The following E2F3 variants were observed in gnomAD, a reference collection of about 807,000 sequenced individuals.
E2F3 encodes transcription factor E2F3.
A neutral mutation model predicts 44.4 loss-of-function variants in E2F3; 11 were observed. The observed-to-expected ratio is 0.25, with a 90% confidence interval of 0.16 to 0.41. The LOEUF (loss-of-function observed/expected upper bound fraction) is 0.41, where lower values mean the gene tolerates loss of function less well. Among genes scored for constraint, E2F3 ranks in the 10% least tolerant of loss-of-function variants. The pLI is 1.00. For missense variants in E2F3, 487 were observed against 583.6 expected (o/e 0.83, Z 1.70); for synonymous variants, 249 against 253.0 (o/e 0.98, Z 0.15).
At chr6:20,417,582 T>G (rs747082765) in intron 1 of E2F3, among the ~76,000 whole-genome samples, 1 of 144,054 alleles carries the variant, frequency 6.9e-6, no homozygotes, top group Non-Finnish European at 1.5e-5. Context: ...TTCCTGATAA[T>G]GGATTTAAAA....
chr6:20,424,662 C>T (rs1020823100), intron 1 of E2F3, among the ~76,000 whole-genome samples: 3 of 151,630 alleles, frequency 2.0e-5, no homozygotes, highest in African/African-American at 7.3e-5. Flanking sequence ...TGAGCTTCTT[C>T]TCCCCCATCC....
intron 2 of E2F3, among the ~76,000 whole-genome samples, chr6:20,480,743 A>G (rs998463384): frequency 6.6e-6 from 1 of 152,184 alleles, no homozygotes; most frequent in Non-Finnish European, 1.5e-5. Flanking sequence ...GCACACACAG[A>G]TACCAGAGCC....
chr6:20,471,337 C>G (rs953768847), intron 1 of E2F3, among the ~76,000 whole-genome samples: 1 of 152,174 alleles, frequency 6.6e-6, no homozygotes, highest in African/African-American at 2.4e-5. Context: ...AATGCCAGCA[C>G]TTTGGGAGGC....
In E2F3 at chr6:20,490,212, A is replaced by T. The variant is rs115470365; in HGVS notation, c.1180A>T (p.Met394Leu). The change falls in exon 7 of 7, where the codon ATG becomes TTG. Residue 394 changes from methionine (M) to leucine (L), a missense_variant. Around this residue, in one of 3 missense-constraint regions of E2F3, gnomAD observed 220 missense variants for 261.7 expected, o/e 0.84. Transcript: ENST00000346618. The surrounding 1 kb of genome is among the most constrained non-coding windows in gnomAD (Gnocchi z 4.3). ...NSGHSDCSVS[M>L]GNLSPLASPA... ...AGGACATAGCGATTGCTCAGTTTCT[A>T]TGGGAAACCTTTCTCCTCTGGCCTC... 2.4e-4 allele frequency: 391 copies of T among 1,613,938 alleles called. 1 individual carries two copies. The African/African-American group carries it at 4.5e-3, about 19-fold the overall frequency.
intron 1 of E2F3, among the ~76,000 whole-genome samples, chr6:20,442,512 G>T (rs543648085): frequency 6.6e-6 from 1 of 152,130 alleles, no homozygotes; most frequent in Non-Finnish European, 1.5e-5. Context: ...TTATCCTTAC[G>T]TAGTTACAAG....
At chr6:20,487,495 T>G (rs573609785) in intron 5 of E2F3, among the ~76,000 whole-genome samples, 21 of 152,316 alleles carry the variant, frequency 1.4e-4, no homozygotes, top group African/African-American at 4.8e-4. Flanking sequence ...TTCCTAGCAC[T>G]TAAGAATACT....
At chr6:20,465,941 C>A (rs1054746944) in intron 1 of E2F3, among the ~76,000 whole-genome samples, 2 of 152,126 alleles carry the variant, frequency 1.3e-5, no homozygotes, top group African/African-American at 4.8e-5. Context: ...ATAATGACTT[C>A]TTTTCCTCTG....
chr6:20,486,192 C>T (rs757820329), intron 4 of E2F3, among the ~76,000 whole-genome samples: 4 of 152,156 alleles, frequency 2.6e-5, no homozygotes, highest in Non-Finnish European at 5.9e-5. Context: ...TAAAGCTATT[C>T]ATTTCTTTAG....
At chr6:20,409,860 C>T (rs756194021) in intron 1 of E2F3, among the ~76,000 whole-genome samples, 14 of 152,196 alleles carry the variant, frequency 9.2e-5, no homozygotes, top group Non-Finnish European at 1.9e-4. Flanking sequence ...TATCTGTAAT[C>T]CACAAACCAG....
At chr6:20,434,467 G>T (rs1400391998) in intron 1 of E2F3, among the ~76,000 whole-genome samples, 1 of 152,128 alleles carries the variant, frequency 6.6e-6, no homozygotes, top group Non-Finnish European at 1.5e-5. Context: ...GAATATCAAG[G>T]TGTCAGAAGA....
At chr6:20,489,143 A>G (rs1303028798) in intron 6 of E2F3, among the ~76,000 whole-genome samples, 1 of 152,218 alleles carries the variant, frequency 6.6e-6, no homozygotes, top group Non-Finnish European at 1.5e-5. Flanking sequence ...TATAGCAGCA[A>G]GAATAAGGGT....
intron 1 of E2F3, among the ~76,000 whole-genome samples, chr6:20,468,024 T>C (rs777528182): frequency 4.6e-5 from 7 of 152,212 alleles, no homozygotes; most frequent in Non-Finnish European, 8.8e-5. Flanking sequence ...ACACCAATTC[T>C]GAAAATGCTG....
intron 1 of E2F3, among the ~76,000 whole-genome samples, chr6:20,439,323 A>T (rs1760695108): frequency 6.6e-6 from 1 of 152,262 alleles, no homozygotes; most frequent in African/African-American, 2.4e-5. Context: ...GAGTTCCAGA[A>T]TGTAAAGCAA....
chr6:20,416,166 T>C (rs1759838764), intron 1 of E2F3, among the ~76,000 whole-genome samples: 1 of 152,224 alleles, frequency 6.6e-6, no homozygotes, highest in Admixed American at 6.5e-5. Flanking sequence ...GTCTTCCTCA[T>C]GTATATCATT....
At chr6:20,405,640 T>C (rs150495006) in intron 1 of E2F3, among the ~76,000 whole-genome samples, 1 of 152,200 alleles carries the variant, frequency 6.6e-6, no homozygotes, top group Non-Finnish European at 1.5e-5. Context: ...CTGGCCAACA[T>C]GGTGAAACCC....
At chr6:20,439,271 G>T (rs1260961279) in intron 1 of E2F3, among the ~76,000 whole-genome samples, 1 of 152,190 alleles carries the variant, frequency 6.6e-6, no homozygotes, top group African/African-American at 2.4e-5. Context: ...GAACAACTTT[G>T]TCAATGTGAA....
rs768568055 is a variant in E2F3 at position 20,493,400 on chromosome 6, C to T, written c.*2970C>T. ...AAGGAAGATGGCTTGCAGAGTAAGT[C>T]GGGTGGCAATTGTCAGGGTGTGGGA... On this transcript the variant is annotated 3_prime_UTR_variant, in exon 7 of 7. Coordinates refer to ENST00000346618, the MANE Select transcript of E2F3 (RefSeq NM_001949.5). The T allele has an allele frequency of 4.4e-5, 10 of 227,338 alleles. No individual in the cohort carries two copies. Among genetic ancestry groups the T allele is most frequent in the Admixed American group, 5.7e-5 (1 of 17,540 alleles). The allele number at this position is 227,338 out of a possible 1,614,324, so 14.1% of individuals were successfully genotyped here.
At chr6:20,441,044 T>C (rs1464179793) in intron 1 of E2F3, among the ~76,000 whole-genome samples, 1 of 152,172 alleles carries the variant, frequency 6.6e-6, no homozygotes. Flanking sequence ...ATTTTAACCA[T>C]TTTTAGGTGT....
chr6:20,477,340 T>C (rs1762081879), intron 1 of E2F3, among the ~76,000 whole-genome samples: 1 of 152,168 alleles, frequency 6.6e-6, no homozygotes, highest in South Asian at 2.1e-4. Context: ...ATGTATTATA[T>C]ACTGTATTCT....
Sources: gnomAD v4.1 joint callset for allele counts (sites outside exome capture counted in the v4.1 genomes callset) on GRCh38, gnomAD v4.1.1 for gene constraint, gnomAD v4.1.1 regional missense constraint, Gnocchi (gnomAD v3.1) non-coding constraint, MANE v1.5 for transcripts, NCBI Gene and HGNC (gene_info 2026-07-23, HGNC 2026-07-21) for gene names.